Variants in MACROD2 observed in about 807,000 individuals in gnomAD.
MACROD2 encodes the protein ADP-ribose glycohydrolase MACROD2.
A neutral mutation model predicts 70.4 loss-of-function variants in MACROD2; 36 were observed. The ratio of observed to expected loss-of-function variants is 0.51; its 90% confidence interval spans 0.39 to 0.68. The LOEUF is 0.68. MACROD2 is among the 30% of genes least tolerant of loss of function. MACROD2 has a pLI of 0.00. For synonymous variants in MACROD2, 172 were observed against 178.8 expected (o/e 0.96, Z 0.30); for missense variants, 496 against 538.4 (o/e 0.92, Z 0.78).
At chr20:14,512,267 T>G (rs922118241) in intron 4 of MACROD2, among the ~76,000 whole-genome samples, 3 of 152,158 alleles carry the variant, frequency 2.0e-5, no homozygotes, top group African/African-American at 7.2e-5. Context: ...TGGTCCTGTT[T>G]CTTAGCCCAT....
In MACROD2 at chr20:15,173,260, T is replaced by A. The variant is rs1444613345; in HGVS notation, c.419-56680T>A. ...ATAGTTGCAGGTTTGGATTATGATTTCCTGAAAATGCTTCCTTTGATATTT... is the reference window on the plus strand; with the variant it reads ...ATAGTTGCAGGTTTGGATTATGATTACCTGAAAATGCTTCCTTTGATATTT... On this transcript the variant is annotated intron_variant, in intron 5 of 17. Transcript: ENST00000684519. 2.0e-5 allele frequency among the ~76,000 whole-genome samples: 3 copies of A among 152,332 alleles called. No homozygotes were observed. The East Asian group carries it at 5.8e-4, about 29-fold the overall frequency.
rs1184573804 is a variant in MACROD2 at position 15,153,585 on chromosome 20, A to G, written c.419-76355A>G. Among the ~76,000 whole-genome samples the G allele has an allele frequency of 2.6e-5, 4 of 152,206 alleles. No homozygotes were observed. The East Asian group carries it at 7.7e-4, about 29-fold the overall frequency. ...ACTCACAAGGAATTGTCATAGAACA[A>G]TAAGATGATTCCACATGACAACATG... is the stretch of plus-strand genomic sequence containing the variant. On this transcript the variant is annotated intron_variant, in intron 5 of 17. Transcript: ENST00000684519.
intron 6 of MACROD2, among the ~76,000 whole-genome samples, chr20:15,428,594 A>G (rs367605753): frequency 1.8e-4 from 27 of 152,282 alleles, no homozygotes; most frequent in South Asian, 1.4e-3. Context: ...TGTCTTTCTT[A>G]TCACTTCACC....
intron 4 of MACROD2, among the ~76,000 whole-genome samples, chr20:14,663,288 C>G (rs1986320386): frequency 6.6e-6 from 1 of 151,716 alleles, no homozygotes; most frequent in Admixed American, 6.6e-5. Context: ...GATAAGAACA[C>G]ATGGATACAT....
chr20:14,307,395 A>T (rs559286808), intron 3 of MACROD2, among the ~76,000 whole-genome samples: 26 of 151,976 alleles, frequency 1.7e-4, no homozygotes, highest in African/African-American at 6.3e-4. Context: ...AACTTTTGAA[A>T]TTTTTTTTAC....
At chr20:15,431,610 G>T (rs2146357946) in intron 7 of MACROD2, among the ~76,000 whole-genome samples, 175 bp downstream of exon 7, 1 of 152,078 alleles carries the variant, frequency 6.6e-6, no homozygotes, top group East Asian at 1.9e-4. Flanking sequence ...ATTCTTTTGG[G>T]TTCTTGAATT....
At chr20:15,786,353 GT>G (rs2051927525) in intron 8 of MACROD2, among the ~76,000 whole-genome samples, 1 of 152,080 alleles carries the variant, frequency 6.6e-6, no homozygotes, top group Admixed American at 6.5e-5. Context: ...AAAAAAGTGT[GT>G]GCCAGAAAAA....
intron 8 of MACROD2, among the ~76,000 whole-genome samples, chr20:15,661,174 T>C (rs1049177054): frequency 6.6e-6 from 1 of 152,070 alleles, no homozygotes. Flanking sequence ...CATTAGGGGG[T>C]AAGGCAACTA....
chr20:14,483,093 G>A (rs1423662302), intron 3 of MACROD2, among the ~76,000 whole-genome samples: 1 of 152,152 alleles, frequency 6.6e-6, no homozygotes, highest in Non-Finnish European at 1.5e-5. Flanking sequence ...TTTTAGTTAG[G>A]ATTCGGGGTA....
intron 10 of MACROD2, among the ~76,000 whole-genome samples, chr20:15,894,428 G>A (rs907954646): frequency 3.3e-5 from 5 of 152,178 alleles, no homozygotes; most frequent in African/African-American, 1.2e-4. Flanking sequence ...ACAGGCGAGT[G>A]CAGGTGTCCT....
At chr20:15,450,295 G>A (rs2046623199) in intron 7 of MACROD2, among the ~76,000 whole-genome samples, 1 of 151,700 alleles carries the variant, frequency 6.6e-6, no homozygotes, top group African/African-American at 2.4e-5. Context: ...ATGTATATTG[G>A]TTTGAAGAAA....
intron 8 of MACROD2, among the ~76,000 whole-genome samples, chr20:15,537,467 C>CTTTTT (rs35857138): frequency 5.9e-4 from 53 of 89,950 alleles, no homozygotes; most frequent in African/African-American, 9.5e-4. Flanking sequence ...TCCCACTCAT[C>CTTTTT]TTTTTTTTTT....
chr20:14,909,401 G>A (rs1029559011), intron 5 of MACROD2, among the ~76,000 whole-genome samples: 1 of 152,130 alleles, frequency 6.6e-6, no homozygotes, highest in Non-Finnish European at 1.5e-5. Flanking sequence ...AAGCTAATAG[G>A]CCTATCGTTT....
chr20:14,868,519 G>C (rs408182), intron 5 of MACROD2, among the ~76,000 whole-genome samples: 106,151 of 151,886 alleles, frequency 0.7, 37,883 homozygotes, highest in African/African-American at 0.83. Context: ...ACTACAATAA[G>C]AAAATCCTTG....
intron 7 of MACROD2, among the ~76,000 whole-genome samples, chr20:15,452,074 C>T (rs2146395389): frequency 6.6e-6 from 1 of 152,244 alleles, no homozygotes; most frequent in South Asian, 2.1e-4. Context: ...CACCTGTTGT[C>T]TATCAGCCAT....
intron 5 of MACROD2, among the ~76,000 whole-genome samples, chr20:15,183,662 C>T (rs911526962): frequency 1.3e-5 from 2 of 152,150 alleles, no homozygotes; most frequent in African/African-American, 4.8e-5. Flanking sequence ...AGAGTAAAAC[C>T]TCCTGATGTC....
chr20:14,469,268 TGGCTTGTAG>T (rs1315697173), intron 3 of MACROD2, among the ~76,000 whole-genome samples: 1 of 152,212 alleles, frequency 6.6e-6, no homozygotes, highest in Non-Finnish European at 1.5e-5. Context: ...CACTCTCTTC[TGGCTTGTAG>T]GGTTTCTGCA....
intron 5 of MACROD2, among the ~76,000 whole-genome samples, chr20:15,206,881 C>T (rs1179638076): frequency 8.0e-5 from 12 of 150,748 alleles, no homozygotes; most frequent in South Asian, 4.2e-4. Context: ...GGACTACAGG[C>T]GCCCGCCACC....
At chr20:14,033,290 G>A (rs1306703189) in intron 2 of MACROD2, among the ~76,000 whole-genome samples, 2 of 151,314 alleles carry the variant, frequency 1.3e-5, no homozygotes, top group Admixed American at 6.6e-5. Flanking sequence ...TTCCCCTTGC[G>A]ATCTGTTTAT....
Sources: gnomAD v4.1 joint callset for allele counts (sites outside exome capture counted in the v4.1 genomes callset) on GRCh38, gnomAD v4.1.1 for gene constraint, MANE v1.5 for transcripts, NCBI Gene and HGNC (gene_info 2026-07-23, HGNC 2026-07-21) for gene names.